The following SFXN3 variants were observed in gnomAD, a reference collection of about 807,000 sequenced individuals.
The protein encoded by SFXN3 is sideroflexin-3.
In SFXN3, 31 loss-of-function variants were observed where a neutral mutation model predicts 40.4. The observed-to-expected ratio is 0.77, with a 90% CI of 0.58 to 1.04. The LOEUF is 1.04. Ranked by LOEUF, SFXN3 falls within the 50% of genes least tolerant of loss-of-function variation. SFXN3 has a pLI of 0.00. For missense variants in SFXN3, 366 were observed against 408.2 expected (o/e 0.90, Z 0.89); for synonymous variants, 157 against 160.0 (o/e 0.98, Z 0.14).
intron 10 of SFXN3, 113 bp downstream of exon 10, chr10:101,038,805 A>C: frequency 6.6e-7 from 1 of 1,517,138 alleles, no homozygotes; most frequent in Non-Finnish European, 9.0e-7. Context: ...TCATACATTC[A>C]GTGGGTGTGT....
At chr10:101,031,985 G>A (rs1320994482) in intron 1 of SFXN3, 3 of 158,934 alleles carry the variant, frequency 1.9e-5, no homozygotes, top group African/African-American at 4.8e-5. Context: ...CCATTGCCAA[G>A]GCAGCCATCA....
In SFXN3 at chr10:101,032,500, C is replaced by T. The variant is rs1417225942; in HGVS notation, c.-4+18C>T. The stretch of plus-strand genomic sequence containing the variant: ...TGGAAAGCGTAAGTGCTCGCTCTCC[C>T]CGGCGGGCGGGGTTCTGGAATGGGG... On this transcript the variant is annotated intron_variant, in intron 2 of 11. Transcript: ENST00000393459. The T allele has an allele frequency of 2.6e-6, 4 of 1,534,914 alleles. No individual in the cohort carries two copies. The highest frequency in any genetic ancestry group is 5.2e-5 in the East Asian group (2 of 38,550).
At position 101,036,593 on chromosome 10, in the gene SFXN3, T is replaced by C. The variant is rs1938616105; in HGVS notation, c.507+32T>C. 6.2e-7 allele frequency: 1 copy of C among 1,613,454 alleles called. No homozygotes were observed. The highest frequency in any genetic ancestry group is 1.1e-5 in the South Asian group (1 of 91,042). On this transcript the variant is annotated intron_variant, in intron 6 of 11. Transcript: ENST00000393459. The surrounding 1 kb of genome is among the most constrained non-coding windows in gnomAD (Gnocchi z 4.2). Reference sequence around the variant, plus strand: ...GCCCCTCACTCCCCTGACCACCCCATTCATCCTCTATCTGCCTCCTTCTTC... The same window carrying C: ...GCCCCTCACTCCCCTGACCACCCCACTCATCCTCTATCTGCCTCCTTCTTC...
chr10:101,032,784 G>A (rs1938362818), intron 2 of SFXN3, among the ~76,000 whole-genome samples: 1 of 152,222 alleles, frequency 6.6e-6, no homozygotes, highest in South Asian at 2.1e-4. Flanking sequence ...GTCTTTGTGT[G>A]TGGGTATGTG....
chr10:101,040,282 C>G (rs993684016), exon 12 of SFXN3: 1 of 152,536 alleles, frequency 6.6e-6, no homozygotes, highest in Admixed American at 6.5e-5. Context: ...GCTGTCTCCC[C>G]CACCACCCTA....
intron 10 of SFXN3, 151 bp downstream of exon 10, chr10:101,038,843 G>T (rs1564650415): frequency 1.6e-6 from 2 of 1,266,848 alleles, no homozygotes; most frequent in Non-Finnish European, 2.2e-6. Flanking sequence ...GGTCTACTTT[G>T]TGTGTTACGG....
At chr10:101,038,598 G>A (rs781339249) in intron 9 of SFXN3, 45 bp from the exon 10 acceptor site, 4 of 1,613,758 alleles carry the variant, frequency 2.5e-6, no homozygotes, top group Non-Finnish European at 3.4e-6. Flanking sequence ...GTGACAGTGA[G>A]GCAGGGGACA....
intron 2 of SFXN3, among the ~76,000 whole-genome samples, chr10:101,033,819 T>C (rs1209185985): frequency 6.6e-6 from 1 of 152,090 alleles, no homozygotes; most frequent in Non-Finnish European, 1.5e-5. Context: ...ATCTATGTCA[T>C]AATTAGGTTC....
Position 101,039,080 on chromosome 10 carries a change from C to A in SFXN3, c.822-95C>A. On this transcript the variant is annotated intron_variant, in intron 10 of 11. Coordinates refer to ENST00000393459, the Ensembl canonical transcript of SFXN3. The surrounding 1 kb of genome is among the most constrained non-coding windows in gnomAD (Gnocchi z 4.6). ...CCTTTCAGCTTTTATCAATCTCCAC[C>A]CCTAGGGCCTATCTCCAAGGATGGG... 2 of 1,087,004 alleles carry A rather than the reference C, an allele frequency of 1.8e-6. No homozygotes were observed. Among genetic ancestry groups the A allele is most frequent in the South Asian group, 2.6e-5 (2 of 76,358 alleles). 67.3% of individuals were successfully genotyped at this position (1,087,004 alleles called of 1,614,324 possible).
In SFXN3 at chr10:101,035,458, C is replaced by A. The variant is rs547762497; in HGVS notation, c.162-39C>A. On this transcript the variant is annotated intron_variant, in intron 3 of 11. Coordinates refer to ENST00000393459, the Ensembl canonical transcript of SFXN3. Reference sequence around the variant, plus strand: ...TGGGGCCTGTGAGGGCAGATCTGCCCCCTGGCATAGCCTGTCTGCTCCTTG... The same window carrying A: ...TGGGGCCTGTGAGGGCAGATCTGCCACCTGGCATAGCCTGTCTGCTCCTTG... 2.0e-5 allele frequency: 32 copies of A among 1,566,294 alleles called. No homozygotes were observed. The South Asian group carries it at 3.8e-4, about 18-fold the overall frequency.
In SFXN3 at chr10:101,036,609, C is replaced by A; in HGVS notation, c.507+48C>A. 3 of 1,613,198 alleles carry A rather than the reference C, an allele frequency of 1.9e-6. No individual in the cohort carries two copies. Among genetic ancestry groups the A allele is most frequent in the Non-Finnish European group, 2.5e-6 (3 of 1,179,472 alleles). ...ACCACCCCATTCATCCTCTATCTGC[C>A]TCCTTCTTCCTCATCACACCTCCAG... On this transcript the variant is annotated intron_variant, in intron 6 of 11. Coordinates refer to ENST00000393459, the Ensembl canonical transcript of SFXN3. The surrounding 1 kb of genome is among the most constrained non-coding windows in gnomAD (Gnocchi z 4.2).
In SFXN3 at chr10:101,039,379, C is replaced by A; in HGVS notation, c.870-110C>A. On this transcript the variant is annotated intron_variant, in intron 11 of 11. Transcript: ENST00000393459. This position sits in a 1 kb window ranked among gnomAD's most constrained non-coding sequence, Gnocchi z 4.6. Reference sequence around the variant, plus strand: ...AATGACAGTGAGCCAGTCCTTCTGGCAGTAGAAGGAGAGGATTTTTCAGCC... The same window carrying A: ...AATGACAGTGAGCCAGTCCTTCTGGAAGTAGAAGGAGAGGATTTTTCAGCC... 1.7e-6 allele frequency: 2 copies of A among 1,211,904 alleles called. No individual in the cohort carries two copies. Among genetic ancestry groups the A allele is most frequent in the Non-Finnish European group, 2.4e-6 (2 of 819,714 alleles). The allele number at this position is 1,211,904 out of a possible 1,614,324, so 75.1% of individuals were successfully genotyped here. A position where few individuals can be genotyped will look rare whatever the true frequency, so the allele number is the denominator to read the frequency against.
intron 9 of SFXN3, chr10:101,037,884 T>A: frequency 9.6e-7 from 1 of 1,038,222 alleles, no homozygotes; most frequent in Non-Finnish European, 1.2e-6. Context: ...GCACCAGGCA[T>A]GTTTTAGGGC....
In SFXN3 at chr10:101,036,858, G is replaced by C. The variant is rs1938634313; in HGVS notation, c.593+50G>C. 1.9e-6 allele frequency: 3 copies of C among 1,596,900 alleles called. No individual in the cohort carries two copies. The African/African-American group carries it at 4.0e-5, about 21-fold the overall frequency. ...GTGCATGCCCAGAATGTAGCACACT[G>C]TCCATCCACGCAGACCACCTCAGAA... On this transcript the variant is annotated intron_variant, in intron 7 of 11. Transcript: ENST00000393459. This position sits in a 1 kb window ranked among gnomAD's most constrained non-coding sequence, Gnocchi z 4.2.
chr10:101,032,737 C>T (rs1938355506), intron 2 of SFXN3, among the ~76,000 whole-genome samples: 1 of 152,198 alleles, frequency 6.6e-6, no homozygotes, highest in South Asian at 2.1e-4. Context: ...GACACCTCCA[C>T]TCTGTCTGTA....
At chr10:101,035,582 G>T in exon 4 of SFXN3, 1 of 1,614,150 alleles carries the variant, frequency 6.2e-7, no homozygotes, top group Non-Finnish European at 8.5e-7. Flanking sequence ...TCCGGACACA[G>T]GGGAGAAGGT....
chr10:101,038,717 G>A lies in SFXN3; in HGVS notation c.821+25G>A, dbSNP rs762911764. ...GGTAAGTGTGCAAGGAGTTAGCTGG[G>A]GTGTGTGGGAGTGCCTTGTCCATGG... is the stretch of plus-strand genomic sequence containing the variant. On this transcript the variant is annotated intron_variant, in intron 10 of 11. Coordinates refer to ENST00000393459, the Ensembl canonical transcript of SFXN3. 22 of 1,606,746 alleles carry A rather than the reference G, an allele frequency of 1.4e-5. No individual in the cohort carries two copies. In the South Asian group the frequency reaches 1.5e-4, roughly 11 times the overall value.
rs753419485 is a variant in SFXN3 at position 101,035,624 on chromosome 10, C to T, written c.289C>T (p.Pro97Ser). ...GATTGGCCGCATGTCAGCCCAGGTGCCCATGAACATGACCATCACTGGCTG... is the reference window on the plus strand; with the variant it reads ...GATTGGCCGCATGTCAGCCCAGGTGTCCATGAACATGACCATCACTGGCTG... The change falls in exon 4 of 12, where the codon CCC becomes TCC. Residue 97 changes from proline (P) to serine (S), a missense_variant. Transcript: ENST00000393459. The T allele has an allele frequency of 1.9e-6, 3 of 1,613,906 alleles. No homozygotes were observed. The Admixed American group carries it at 5.0e-5, about 27-fold the overall frequency.
intron 3 of SFXN3, 133 bp from the exon 4 acceptor site, chr10:101,035,364 C>T (rs1277207953): frequency 3.0e-5 from 31 of 1,028,714 alleles, no homozygotes; most frequent in Non-Finnish European, 3.6e-5. Context: ...AGATAAGGAG[C>T]TTCCTTATGC....
Sources: allele counts gnomAD v4.1 joint callset (sites outside exome capture counted in the v4.1 genomes callset), GRCh38; gene constraint gnomAD v4.1.1; non-coding constraint Gnocchi (gnomAD v3.1); transcripts MANE v1.5; gene names NCBI Gene and HGNC (gene_info 2026-07-23, HGNC 2026-07-21).